CSRP2: variants seen among roughly 807,000 people sequenced by gnomAD.
The protein encoded by CSRP2 is cysteine and glycine rich protein 2, also known as cysteine and glycine-rich protein 2.
In CSRP2, 18 loss-of-function variants were observed where a neutral mutation model predicts 24.6. The observed-to-expected ratio is 0.73, with a 90% CI of 0.51 to 1.09. The LOEUF (loss-of-function observed/expected upper bound fraction) is 1.09, where lower values mean the gene tolerates loss of function less well. CSRP2 is among the 50% of genes least tolerant of loss of function. The pLI is 0.00. For synonymous variants in CSRP2, 87 were observed against 84.3 expected, an observed-to-expected ratio of 1.03 and a Z score of -0.18; for missense variants, 215 against 239.4, an observed-to-expected ratio of 0.90 and a Z score of 0.67.
chr12:76,878,399 G>C (rs1230462116), intron 1 of CSRP2: 1 of 152,432 alleles, frequency 6.6e-6, no homozygotes, highest in Non-Finnish European at 1.5e-5. Flanking sequence ...GCCCGGTACG[G>C]CGGCAGGAGC....
At chr12:76,869,187 CTG>C (rs1016990806) in intron 1 of CSRP2, among the ~76,000 whole-genome samples, 1 of 152,172 alleles carries the variant, frequency 6.6e-6, no homozygotes, top group Admixed American at 6.5e-5. Context: ...GCCAGGAACA[CTG>C]TACCTTACAT....
intron 1 of CSRP2, among the ~76,000 whole-genome samples, chr12:76,875,061 A>G (rs1651242122): frequency 6.6e-6 from 1 of 152,220 alleles, no homozygotes; most frequent in Admixed American, 6.5e-5. Flanking sequence ...CAAAACTCCC[A>G]TATCTGACAG....
At chr12:76,870,230 A>G (rs11115923) in intron 1 of CSRP2, among the ~76,000 whole-genome samples, 1,682 of 152,390 alleles carry the variant, frequency 0.011, 11 homozygotes, top group Non-Finnish European at 0.017. Context: ...CCAGATTGCT[A>G]TCACGACTGA....
chr12:76,859,754 T>C (rs893706789), intron 4 of CSRP2, 114 bp from the exon 5 acceptor site: 15 of 713,996 alleles, frequency 2.1e-5, no homozygotes, highest in African/African-American at 5.4e-5. Flanking sequence ...TCCTGACTTC[T>C]GTGGTTCAGC....
chr12:76,862,769 A>G, intron 3 of CSRP2: 1 of 1,374,558 alleles, frequency 7.3e-7, no homozygotes, highest in South Asian at 1.8e-5. Context: ...AAAAATGTTT[A>G]CATAGAAGGA....
chr12:76,862,405 G>A (rs988388401), intron 3 of CSRP2: 2 of 154,360 alleles, frequency 1.3e-5, no homozygotes, highest in Admixed American at 1.3e-4. Context: ...GCCCGGTGTG[G>A]TGGTGCACGC....
At chr12:76,868,270 G>A (rs913435638) in intron 1 of CSRP2, among the ~76,000 whole-genome samples, 5 of 152,162 alleles carry the variant, frequency 3.3e-5, no homozygotes, top group African/African-American at 1.2e-4. Context: ...GTCCTTTACT[G>A]ATATGGTTTG....
intron 1 of CSRP2, among the ~76,000 whole-genome samples, chr12:76,868,910 G>A (rs1953762214): frequency 6.7e-6 from 1 of 150,324 alleles, no homozygotes; most frequent in South Asian, 2.1e-4. Flanking sequence ...GCCAGCCTGG[G>A]CGACAGAGCG....
At chr12:76,870,385 T>C (rs145440488) in intron 1 of CSRP2, among the ~76,000 whole-genome samples, 28 of 152,362 alleles carry the variant, frequency 1.8e-4, no homozygotes, top group African/African-American at 5.0e-4. Flanking sequence ...CTTTATGTAA[T>C]TCAGGGTTTC....
intron 1 of CSRP2, among the ~76,000 whole-genome samples, chr12:76,867,262 G>A (rs1322499580): frequency 1.3e-5 from 2 of 151,338 alleles, no homozygotes; most frequent in African/African-American, 2.4e-5. Context: ...GCCGAGGTGG[G>A]TGGATCACCT....
intron 5 of CSRP2, 96 bp downstream of exon 5, chr12:76,859,451 C>A: frequency 2.7e-6 from 2 of 742,276 alleles, no homozygotes; most frequent in Non-Finnish European, 4.3e-6. Flanking sequence ...TAGTGGCATA[C>A]TTTTCTTTTT....
intron 3 of CSRP2, chr12:76,861,373 T>TC (rs1466279741): frequency 6.7e-5 from 10 of 148,880 alleles, no homozygotes; most frequent in African/African-American, 2.5e-4. Flanking sequence ...TATATTTTTT[T>TC]TTTTTTTTAA....
intron 1 of CSRP2, among the ~76,000 whole-genome samples, chr12:76,869,578 A>ACACACACACACC (rs1420575005): frequency 1.0e-4 from 14 of 138,990 alleles, no homozygotes; most frequent in African/African-American, 2.7e-4. Context: ...ACACACACAC[A>ACACACACACACC]CCCCTGACTG....
intron 2 of CSRP2, among the ~76,000 whole-genome samples, chr12:76,865,338 T>C (rs1953724285): frequency 6.6e-6 from 1 of 152,232 alleles, no homozygotes; most frequent in African/African-American, 2.4e-5. Context: ...CCAAGTCTTC[T>C]GAGGAAGGCA....
intron 5 of CSRP2, 47 bp downstream of exon 5, chr12:76,859,500 C>T (rs1439263995): frequency 1.6e-6 from 2 of 1,223,314 alleles, no homozygotes; most frequent in African/African-American, 1.5e-5. Flanking sequence ...AAACAAGAAC[C>T]AGTGTGGAAT....
intron 1 of CSRP2, among the ~76,000 whole-genome samples, chr12:76,871,193 A>C (rs1004583188): frequency 2.6e-5 from 4 of 152,100 alleles, no homozygotes; most frequent in Non-Finnish European, 5.9e-5. Context: ...AGCTCTCTCT[A>C]CCCACAGAAA....
chr12:76,869,114 A>G lies in CSRP2; in HGVS notation c.-1-2853T>C, dbSNP rs182141665. 1.3e-3 allele frequency among the ~76,000 whole-genome samples: 199 copies of G among 152,120 alleles called. 1 individual carries two copies. The highest frequency in any genetic ancestry group is 4.6e-3 in the African/African-American group (191 of 41,510). ...TCCAAGATCAAGGTATGGCAGGTTTAGTGTCTGCTAAGGGCCCCATCTCTG... is the reference window on the plus strand; with the variant it reads ...TCCAAGATCAAGGTATGGCAGGTTTGGTGTCTGCTAAGGGCCCCATCTCTG... On this transcript the variant is annotated intron_variant, in intron 1 of 5. Transcript: ENST00000311083.
rs1202051363 is a variant in CSRP2 at position 76,859,615 on chromosome 12, C to T, written c.437G>A (p.Cys146Tyr). The change falls in exon 5 of 6, where the codon TGT becomes TAT. Residue 146 changes from cysteine (C) to tyrosine (Y), a missense_variant. Coordinates refer to ENST00000311083, the MANE Select transcript of CSRP2 (RefSeq NM_001321.3). Reference sequence around the variant, plus strand: ...TTCAAGACTCTTCCCACACTTTGCACATCGGAAACAGTTTTTGTGCCAGGG... The same window carrying T: ...TTCAAGACTCTTCCCACACTTTGCATATCGGAAACAGTTTTTGTGCCAGGG... ...GKPWHKNCFR[C>Y]AKCGKSLEST... 6 of 1,612,348 alleles carry T rather than the reference C, an allele frequency of 3.7e-6. No individual in the cohort carries two copies. The highest frequency in any genetic ancestry group is 2.2e-5 in the East Asian group (1 of 44,878).
At chr12:76,864,650 G>A (rs200035417) in intron 2 of CSRP2, 1 of 146,676 alleles carries the variant, frequency 6.8e-6, no homozygotes, top group Admixed American at 6.9e-5. Context: ...AAGGGGGGGG[G>A]TTGAATAAAA....
Sources: gnomAD v4.1 joint callset for allele counts (sites outside exome capture counted in the v4.1 genomes callset) on GRCh38, gnomAD v4.1.1 for gene constraint, MANE v1.5 for transcripts, NCBI Gene and HGNC (gene_info 2026-07-23, HGNC 2026-07-21) for gene names.